The following BBX variants were observed in gnomAD, a reference collection of about 807,000 sequenced individuals.
The protein encoded by BBX is BBX high mobility group box domain containing.
In BBX, 30 loss-of-function variants were observed where a neutral mutation model predicts 100.2. The ratio of observed to expected loss-of-function variants is 0.30; its 90% CI spans 0.22 to 0.41. BBX has a LOEUF of 0.41. BBX is among the 10% of genes least tolerant of loss of function. The pLI, the probability that BBX is intolerant of heterozygous loss-of-function variation, is 1.00. For missense variants in BBX, 1,023 were observed against 1,129.8 expected, an observed-to-expected ratio of 0.91 and a Z score of 1.35; for synonymous variants, 376 against 388.1, an observed-to-expected ratio of 0.97 and a Z score of 0.37.
intron 13 of BBX, among the ~76,000 whole-genome samples, chr3:107,784,507 T>C (rs2068221114): frequency 6.6e-6 from 1 of 151,930 alleles, no homozygotes; most frequent in African/African-American, 2.4e-5. Context: ...AGAAAAAAAT[T>C]GGAGAAACTC....
intron 10 of BBX, among the ~76,000 whole-genome samples, chr3:107,760,490 G>A (rs1291340277): frequency 2.6e-5 from 4 of 152,188 alleles, no homozygotes; most frequent in Admixed American, 6.5e-5. Context: ...GGAAATTATG[G>A]TATACAACTC....
intron 2 of BBX, among the ~76,000 whole-genome samples, chr3:107,551,257 G>A (rs1255937302): frequency 6.6e-6 from 1 of 152,150 alleles, no homozygotes; most frequent in East Asian, 1.9e-4. Context: ...AAGTAGCCAC[G>A]TGTTAGTTAA....
intron 2 of BBX, among the ~76,000 whole-genome samples, chr3:107,564,238 TC>T (rs1318945494): frequency 6.6e-6 from 1 of 152,194 alleles, no homozygotes; most frequent in African/African-American, 2.4e-5. Context: ...TTCTACCTTT[TC>T]TTGATACTAT....
intron 5 of BBX, among the ~76,000 whole-genome samples, chr3:107,723,950 G>A (rs2062729798): frequency 6.6e-6 from 1 of 152,088 alleles, no homozygotes; most frequent in South Asian, 2.1e-4. Context: ...TGGGTCAAAT[G>A]GTATTTCCAG....
In BBX at chr3:107,805,861, CAA is replaced by C. The variant is rs1266739799; in HGVS notation, c.*408_*409del. The C allele has an allele frequency of 5.2e-6, 1 of 193,508 alleles. No individual in the cohort carries two copies. Among genetic ancestry groups the C allele is most frequent in the East Asian group, 1.2e-4 (1 of 8,146 alleles). 12.0% of individuals were successfully genotyped at this position (193,508 alleles called of 1,614,324 possible). A position where few individuals can be genotyped will look rare whatever the true frequency, so the allele number is the denominator to read the frequency against. On this transcript the variant is annotated 3_prime_UTR_variant, in exon 18 of 18. Transcript: ENST00000325805. ...CTTTCAAAACAAAACAAAAAAAAAA[CAA>C]AAACTGACGCACTGCACTAGTTATT...
Position 107,728,751 on chromosome 3 carries a change from C to T in BBX, c.406-14C>T, listed in dbSNP as rs552740287. On this transcript the variant is annotated splice_polypyrimidine_tract_variant and intron_variant, in intron 5 of 17. Transcript: ENST00000325805. ...TTGTTAATTAAAATCTGCTGTCTGTCGTTTTATTTATAGTATAAGGATGCA... is the reference window on the plus strand; with the variant it reads ...TTGTTAATTAAAATCTGCTGTCTGTTGTTTTATTTATAGTATAAGGATGCA... The T allele has an allele frequency of 9.1e-5, 144 of 1,589,452 alleles. 2 individuals carry two copies. The highest frequency in any genetic ancestry group is 3.4e-4 in the Middle Eastern group (2 of 5,928).
chr3:107,757,903 A>G (rs1041547631), intron 10 of BBX, among the ~76,000 whole-genome samples: 6 of 152,208 alleles, frequency 3.9e-5, no homozygotes, highest in East Asian at 1.9e-4. Context: ...TCTAAAGGGA[A>G]AGTCACCAAG....
chr3:107,562,238 A>G (rs952783668), intron 2 of BBX, among the ~76,000 whole-genome samples: 1 of 152,214 alleles, frequency 6.6e-6, no homozygotes, highest in African/African-American at 2.4e-5. Flanking sequence ...GCGTGAACCC[A>G]TAAAACACTT....
rs1212284605 is a variant in BBX at position 107,791,270 on chromosome 3, T to C, written c.2324T>C (p.Leu775Pro). 5.0e-6 allele frequency: 8 copies of C among 1,613,348 alleles called. No homozygotes were observed. Among genetic ancestry groups the C allele is most frequent in the Non-Finnish European group, 6.8e-6 (8 of 1,179,582 alleles). ...GSGDKWSNKQ[L>P]FLDAIHPTEA... The stretch of plus-strand genomic sequence containing the variant: ...GGGGATAAATGGTCAAACAAGCAAC[T>C]CTTCTTGGATGCCATTCACCCTACA... Residue 775 changes from leucine to proline, a missense_variant, in exon 15 of 18, where the codon CTC becomes CCC. Coordinates refer to ENST00000325805, the MANE Select transcript of BBX (RefSeq NM_001142568.3).
At chr3:107,685,044 G>A (rs1442590269) in intron 3 of BBX, among the ~76,000 whole-genome samples, 9 of 152,150 alleles carry the variant, frequency 5.9e-5, no homozygotes, top group Admixed American at 5.9e-4. Flanking sequence ...ACTATGAATG[G>A]CTTCCAAGAG....
At chr3:107,791,321 A>C (rs753572191) in intron 15 of BBX, 22 bp downstream of exon 15, 7 of 1,594,938 alleles carry the variant, frequency 4.4e-6, no homozygotes, top group East Asian at 4.5e-5. Flanking sequence ...AATGTTATTT[A>C]ATTTGAGACA....
At chr3:107,738,588 G>C (rs1370252460) in intron 7 of BBX, among the ~76,000 whole-genome samples, 1 of 152,168 alleles carries the variant, frequency 6.6e-6, no homozygotes, top group East Asian at 1.9e-4. Context: ...ACGATGGTGA[G>C]GCTACAAAGT....
intron 2 of BBX, among the ~76,000 whole-genome samples, chr3:107,580,718 G>A (rs897946910): frequency 1.3e-5 from 2 of 151,860 alleles, no homozygotes; most frequent in Admixed American, 6.6e-5. Context: ...TGCAACCTCC[G>A]CCTCCTGGGT....
Position 107,791,741 on chromosome 3 carries a change from G to T in BBX, c.2353+442G>T, listed in dbSNP as rs547073923. On this transcript the variant is annotated intron_variant, in intron 15 of 17. Coordinates refer to ENST00000325805, the MANE Select transcript of BBX (RefSeq NM_001142568.3). ...ACCCCAGCAAGGCACAGTGGCTCAC[G>T]CCTGTAATCCTAGTACCTCGGGAGG... Among the ~76,000 whole-genome samples the T allele has an allele frequency of 1.4e-3, 208 of 152,292 alleles. 1 individual carries two copies. The highest frequency in any genetic ancestry group is 0.01 in the Middle Eastern group (3 of 294).
intron 2 of BBX, among the ~76,000 whole-genome samples, chr3:107,582,943 A>G (rs895044699): frequency 6.6e-6 from 1 of 151,876 alleles, no homozygotes; most frequent in Admixed American, 6.6e-5. Flanking sequence ...CTTTGCTATA[A>G]AAGTTCTACA....
chr3:107,689,672 T>G (rs1195718613), intron 3 of BBX, among the ~76,000 whole-genome samples: 1 of 152,228 alleles, frequency 6.6e-6, no homozygotes, highest in Non-Finnish European at 1.5e-5. Flanking sequence ...TAAGTCTATA[T>G]GGAGGAGTAT....
intron 2 of BBX, among the ~76,000 whole-genome samples, chr3:107,530,422 G>A (rs1453143135): frequency 7.0e-6 from 1 of 142,804 alleles, no homozygotes; most frequent in Non-Finnish European, 1.6e-5. Context: ...AAACAAAACA[G>A]AAAAACACAA....
chr3:107,754,693 A>G (rs73850160), intron 9 of BBX, among the ~76,000 whole-genome samples: 2,694 of 152,284 alleles, frequency 0.018, 80 homozygotes, highest in African/African-American at 0.061. Context: ...TACCTACTAA[A>G]TGGAAATAAG....
intron 7 of BBX, among the ~76,000 whole-genome samples, chr3:107,736,266 A>G (rs1310063966): frequency 6.6e-6 from 1 of 152,080 alleles, no homozygotes; most frequent in Non-Finnish European, 1.5e-5. Context: ...TGTCCAGTGA[A>G]TATGAGATTA....
Sources: allele counts gnomAD v4.1 joint callset (sites outside exome capture counted in the v4.1 genomes callset), GRCh38; gene constraint gnomAD v4.1.1; transcripts MANE v1.5; gene names NCBI Gene and HGNC (gene_info 2026-07-23, HGNC 2026-07-21).